The following BOC variants were observed in gnomAD, a reference collection of about 807,000 sequenced individuals.
The protein encoded by BOC is BOC cell adhesion associated, oncogene regulated.
Under a neutral mutation model 112.0 loss-of-function variants are expected in BOC, and 76 were observed. The observed-to-expected ratio is 0.68, with a 90% CI of 0.56 to 0.82. BOC has a LOEUF of 0.82. Ranked by LOEUF, BOC falls within the 40% of genes least tolerant of loss-of-function variation. The pLI is 0.00. For synonymous variants in BOC, 580 were observed against 599.8 expected, an observed-to-expected ratio of 0.97 and a Z score of 0.48; for missense variants, 1,309 against 1,511.7, an observed-to-expected ratio of 0.87 and a Z score of 2.22.
chr3:113,267,973 C>A (rs1432914024), intron 4 of BOC, among the ~76,000 whole-genome samples: 1 of 152,188 alleles, frequency 6.6e-6, no homozygotes, highest in East Asian at 1.9e-4. Flanking sequence ...TGACCCCCCC[C>A]CATTTCTGGG....
At chr3:113,260,276 T>C (rs910267103) in intron 4 of BOC, among the ~76,000 whole-genome samples, 1 of 152,176 alleles carries the variant, frequency 6.6e-6, no homozygotes, top group Non-Finnish European at 1.5e-5. Flanking sequence ...GAATTTCCTT[T>C]TCAAATTCTG....
At chr3:113,233,145 T>TGGG (rs1553725800) in intron 2 of BOC, among the ~76,000 whole-genome samples, 18 of 82,866 alleles carry the variant, frequency 2.2e-4, no homozygotes, top group African/African-American at 6.8e-4. Context: ...TGTAAAGGAT[T>TGGG]GGGGTGTGTG....
At chr3:113,236,228 ATGTGTGTGTG>A (rs765387902) in intron 2 of BOC, among the ~76,000 whole-genome samples, 39 of 78,064 alleles carry the variant, frequency 5.0e-4, no homozygotes, top group African/African-American at 1.8e-3. Flanking sequence ...ATATACGTAT[ATGTGTGTGTG>A]TGTGTGTGTG....
chr3:113,219,097 T>C (rs1940061120), intron 2 of BOC, among the ~76,000 whole-genome samples: 1 of 152,234 alleles, frequency 6.6e-6, no homozygotes, highest in African/African-American at 2.4e-5. Flanking sequence ...AAGCCTTGTG[T>C]TTATGTGGCA....
chr3:113,278,512 C>T lies in BOC; in HGVS notation c.1706-161C>T, dbSNP rs1162716590. Among the ~76,000 whole-genome samples, 3 of 152,218 alleles carry T rather than the reference C, an allele frequency of 2.0e-5. No homozygotes were observed. The highest frequency in any genetic ancestry group is 4.8e-5 in the African/African-American group (2 of 41,540). On this transcript the variant is annotated intron_variant, in intron 10 of 19. Transcript: ENST00000682979. The surrounding 1 kb of genome is among the most constrained non-coding windows in gnomAD (Gnocchi z 4.2). Reference sequence around the variant, plus strand: ...GGCCAGCAATAGTACCACAACAGAACCAGTCTCGGCCGAGGCTGAGCCCAC... The same window carrying T: ...GGCCAGCAATAGTACCACAACAGAATCAGTCTCGGCCGAGGCTGAGCCCAC...
Position 113,278,683 on chromosome 3 carries a change from CA to C in BOC, c.1719del (p.Lys573AsnfsTer53). On this transcript the variant is annotated frameshift_variant, in exon 11 of 20. Coordinates refer to ENST00000682979, the MANE Select transcript of BOC (RefSeq NM_001378074.1). LOFTEE classifies it high-confidence loss of function. This position sits in a 1 kb window ranked among gnomAD's most constrained non-coding sequence, Gnocchi z 4.2. The stretch of plus-strand genomic sequence containing the variant: ...CCCATTTCCACCCAGGACGGCGGCC[CA>C]AACCCGAGATCATGGCCAGCAAAGA... Reference protein sequence around the residue: ...MVTFRTGRRPKPEIMASKEQQ... With the variant: ...MVTFRTGRRPXPEIMASKEQQ... The C allele has an allele frequency of 6.4e-7, 1 of 1,562,582 alleles. No homozygotes were observed. The highest frequency in any genetic ancestry group is 8.7e-7 in the Non-Finnish European group (1 of 1,152,960).
At chr3:113,237,670 C>A (rs1169617095) in intron 2 of BOC, among the ~76,000 whole-genome samples, 6 of 152,168 alleles carry the variant, frequency 3.9e-5, no homozygotes. Flanking sequence ...CATTCAACTC[C>A]CCTCCAGGAT....
intron 2 of BOC, among the ~76,000 whole-genome samples, chr3:113,247,312 A>G (rs966321957): frequency 1.3e-5 from 2 of 152,168 alleles, no homozygotes; most frequent in Non-Finnish European, 1.5e-5. Context: ...GCAATGATCT[A>G]TATAAATACC....
chr3:113,218,397 G>A (rs550282817), intron 2 of BOC, among the ~76,000 whole-genome samples: 139 of 152,306 alleles, frequency 9.1e-4, no homozygotes, highest in Admixed American at 3.3e-3. Flanking sequence ...GGGTTTATTC[G>A]TTTTTCTGTG....
At position 113,245,204 on chromosome 3, in the gene BOC, T is replaced by G. The variant is rs535922008; in HGVS notation, c.-81-4518T>G. Among the ~76,000 whole-genome samples, 4 of 152,322 alleles carry G rather than the reference T, an allele frequency of 2.6e-5. No homozygotes were observed. In the South Asian group the frequency reaches 8.3e-4, roughly 32 times the overall value. On this transcript the variant is annotated intron_variant, in intron 2 of 19. Transcript: ENST00000682979. ...ACTTTTTAAGTAAAAATGACCTTTGTTTTTTGTATATATTTAAAGGTATAC... is the reference window on the plus strand; with the variant it reads ...ACTTTTTAAGTAAAAATGACCTTTGGTTTTTGTATATATTTAAAGGTATAC...
intron 2 of BOC, among the ~76,000 whole-genome samples, chr3:113,232,264 G>A (rs1387963500): frequency 2.6e-5 from 4 of 152,212 alleles, no homozygotes; most frequent in Non-Finnish European, 5.9e-5. Context: ...AAGTTGGGGA[G>A]AGCTGGCAGG....
At chr3:113,277,068 A>G (rs2107695004) in intron 9 of BOC, among the ~76,000 whole-genome samples, 1 of 152,328 alleles carries the variant, frequency 6.6e-6, no homozygotes, top group Non-Finnish European at 1.5e-5. Context: ...AGGAATTTGA[A>G]GCTATTAAAG....
chr3:113,285,409 T>A lies in BOC; in HGVS notation c.3004T>A (p.Tyr1002Asn). 6.2e-7 allele frequency: 1 copy of A among 1,613,696 alleles called. No individual in the cohort carries two copies. The highest frequency in any genetic ancestry group is 8.5e-7 in the Non-Finnish European group (1 of 1,179,890). ...TAGCCCGGACGAGGGCTCTTTCTTA[T>A]ACACACTGCCCGACGACTCCACTCA... ...KSSPDEGSFL[Y>N]TLPDDSTHQL... Residue 1002 changes from tyrosine (Y) to asparagine (N), a missense_variant, in exon 19 of 20, where the codon TAC becomes AAC. Physicochemically the swap from Tyr to Asn is moderately radical, Grantham distance 143 (BLOSUM62 -2). Transcript: ENST00000682979.
intron 15 of BOC, among the ~76,000 whole-genome samples, chr3:113,281,962 G>A (rs1949240557): frequency 6.6e-6 from 1 of 152,128 alleles, no homozygotes. Context: ...GGATCACCTG[G>A]TGCAGGGAGT....
In BOC at chr3:113,278,974, A is replaced by T; in HGVS notation, c.1816+191A>T. 3.1e-6 allele frequency: 2 copies of T among 646,578 alleles called. No homozygotes were observed. Among genetic ancestry groups the T allele is most frequent in the Non-Finnish European group, 5.3e-6 (2 of 376,428 alleles). 40.1% of individuals were successfully genotyped at this position (646,578 alleles called of 1,614,324 possible). A position where few individuals can be genotyped will look rare whatever the true frequency, so the allele number is the denominator to read the frequency against. ...GCTGGCATTGATGCTGGGATTGCTC[A>T]CTGGGTGCATCCAGAGAGCAGCAGA... is the stretch of plus-strand genomic sequence containing the variant. On this transcript the variant is annotated intron_variant, in intron 11 of 19. Transcript: ENST00000682979. The surrounding 1 kb of genome is among the most constrained non-coding windows in gnomAD (Gnocchi z 4.2).
In BOC at chr3:113,278,258, G is replaced by C; in HGVS notation, c.1705+1G>C. On this transcript the variant is annotated splice_donor_variant, in intron 10 of 19. Coordinates refer to ENST00000682979, the MANE Select transcript of BOC (RefSeq NM_001378074.1). LOFTEE classifies it high-confidence loss of function. The surrounding 1 kb of genome is among the most constrained non-coding windows in gnomAD (Gnocchi z 4.2). ...ACAGCCATGGTCACCTTCCGAACTG[G>C]TGAGAGTCAAACATTGCCCCTTGCT... is the stretch of plus-strand genomic sequence containing the variant. 6.2e-7 allele frequency: 1 copy of C among 1,614,122 alleles called. No homozygotes were observed.
chr3:113,273,392 T>C, intron 8 of BOC, 51 bp downstream of exon 8: 1 of 1,511,936 alleles, frequency 6.6e-7, no homozygotes, highest in Non-Finnish European at 8.9e-7. Context: ...CACTGAATCC[T>C]TTTCTCAAAT....
chr3:113,262,413 A>G (rs1052024300), intron 4 of BOC, among the ~76,000 whole-genome samples: 1 of 152,240 alleles, frequency 6.6e-6, no homozygotes, highest in African/African-American at 2.4e-5. Flanking sequence ...GCTTGGCATA[A>G]TAGACAATTC....
At chr3:113,269,298 G>A (rs1042758576) in intron 5 of BOC, 4 of 152,242 alleles carry the variant, frequency 2.6e-5, no homozygotes, top group African/African-American at 9.6e-5. Flanking sequence ...GTCTAGGGAA[G>A]CCAAGACTTG....
Sources: gnomAD v4.1 joint callset for allele counts (sites outside exome capture counted in the v4.1 genomes callset) on GRCh38, gnomAD v4.1.1 for gene constraint, Gnocchi (gnomAD v3.1) non-coding constraint, MANE v1.5 for transcripts, NCBI Gene and HGNC (gene_info 2026-07-23, HGNC 2026-07-21) for gene names.